Variants in PITPNC1 observed in about 807,000 individuals in gnomAD.
The protein encoded by PITPNC1 is phosphatidylinositol transfer protein cytoplasmic 1.
In PITPNC1, 18 loss-of-function variants were observed where a neutral mutation model predicts 44.7. The observed-to-expected ratio is 0.40, with a 90% CI of 0.28 to 0.60. The LOEUF (loss-of-function observed/expected upper bound fraction) is 0.60. PITPNC1 is among the 20% of genes least tolerant of loss of function. PITPNC1 has a pLI of 0.39. For synonymous variants in PITPNC1, 141 were observed against 149.6 expected (o/e 0.94, Z 0.42); for missense variants, 290 against 418.4 (o/e 0.69, Z 2.68).
At chr17:67,427,181 T>C (rs1208167268) in intron 1 of PITPNC1, among the ~76,000 whole-genome samples, 1 of 152,152 alleles carries the variant, frequency 6.6e-6, no homozygotes, top group Non-Finnish European at 1.5e-5. Context: ...CTACTTTCTT[T>C]CTTTCCCACA....
Position 67,632,101 on chromosome 17 carries a change from CCTG to C in PITPNC1, c.367-39_367-37del, listed in dbSNP as rs750734246. ...GCCTCGGGCACTTTGGAGGGTAACA[CCTG>C]CTATCACTAACCTTTGATATGTTGC... On this transcript the variant is annotated intron_variant, in intron 5 of 8. Coordinates refer to ENST00000581322, the MANE Select transcript of PITPNC1 (RefSeq NM_012417.4). 10 of 1,262,814 alleles carry C rather than the reference CCTG, an allele frequency of 7.9e-6. No homozygotes were observed. The Admixed American group carries it at 1.7e-4, about 21-fold the overall frequency. 78.2% of individuals were successfully genotyped at this position (1,262,814 alleles called of 1,614,324 possible). A position where few individuals can be genotyped will look rare whatever the true frequency, so the allele number is the denominator to read the frequency against.
At chr17:67,486,042 T>A (rs955841734) in intron 1 of PITPNC1, among the ~76,000 whole-genome samples, 6 of 152,206 alleles carry the variant, frequency 3.9e-5, no homozygotes, top group African/African-American at 2.4e-5. Flanking sequence ...AAATAAAATA[T>A]CAAAAGTCAC....
chr17:67,464,647 T>TA (rs2039396992), intron 1 of PITPNC1, among the ~76,000 whole-genome samples: 1 of 152,032 alleles, frequency 6.6e-6, no homozygotes, highest in Non-Finnish European at 1.5e-5. Flanking sequence ...GAAGCTAATT[T>TA]AAAAAGCTAA....
At chr17:67,476,618 T>C (rs759923797) in intron 1 of PITPNC1, among the ~76,000 whole-genome samples, 4 of 152,148 alleles carry the variant, frequency 2.6e-5, no homozygotes, top group Non-Finnish European at 5.9e-5. Flanking sequence ...GTGGTTGGCT[T>C]CACTCTCAGA....
chr17:67,640,159 T>A (rs2042077086), intron 6 of PITPNC1, among the ~76,000 whole-genome samples: 1 of 152,118 alleles, frequency 6.6e-6, no homozygotes, highest in Non-Finnish European at 1.5e-5. Flanking sequence ...GGTTCCAACT[T>A]ACTGGGGCCT....
At chr17:67,678,845 C>G (rs1329221366) in intron 8 of PITPNC1, among the ~76,000 whole-genome samples, 1 of 151,984 alleles carries the variant, frequency 6.6e-6, no homozygotes, top group African/African-American at 2.4e-5. Context: ...CAGTGAGACT[C>G]TCATGGAAAC....
intron 6 of PITPNC1, among the ~76,000 whole-genome samples, chr17:67,644,552 A>G (rs969986980): frequency 1.3e-5 from 2 of 149,622 alleles, no homozygotes; most frequent in African/African-American, 4.9e-5. Context: ...CTCCTGCCTC[A>G]GCCTCCTGAG....
At chr17:67,591,266 G>T (rs149270781) in intron 5 of PITPNC1, among the ~76,000 whole-genome samples, 4 of 152,128 alleles carry the variant, frequency 2.6e-5, no homozygotes, top group Non-Finnish European at 5.9e-5. Flanking sequence ...ACAAAGAAAG[G>T]CTGATGAATT....
chr17:67,610,951 A>AAAATATTATT (rs1442800576), intron 5 of PITPNC1, among the ~76,000 whole-genome samples: 1 of 152,026 alleles, frequency 6.6e-6, no homozygotes, highest in Non-Finnish European at 1.5e-5. Flanking sequence ...AGAAAAGAAA[A>AAAATATTATT]AAATATTATT....
At chr17:67,691,206 G>A (rs937355594) in intron 8 of PITPNC1, among the ~76,000 whole-genome samples, 9 of 152,040 alleles carry the variant, frequency 5.9e-5, no homozygotes, top group Non-Finnish European at 8.8e-5. Context: ...ACCCTGAGAA[G>A]GAACTAAGGA....
At chr17:67,624,230 T>TTTTTTTTTTTC (rs1567745244) in intron 5 of PITPNC1, among the ~76,000 whole-genome samples, 1 of 147,122 alleles carries the variant, frequency 6.8e-6, no homozygotes, top group Non-Finnish European at 1.5e-5. Context: ...TTTTTTTTTT[T>TTTTTTTTTTTC]CCTCAGGGTT....
chr17:67,528,727 T>G (rs1475528321), intron 1 of PITPNC1, among the ~76,000 whole-genome samples: 2 of 152,184 alleles, frequency 1.3e-5, no homozygotes, highest in Non-Finnish European at 2.9e-5. Flanking sequence ...TCTGAAAGAT[T>G]CCCACTCTTT....
chr17:67,631,582 T>C (rs1359478191), intron 5 of PITPNC1, among the ~76,000 whole-genome samples: 1 of 102,070 alleles, frequency 9.8e-6, no homozygotes, highest in African/African-American at 3.7e-5. Flanking sequence ...TGAGCCGGGA[T>C]AGCGCCACTG....
At chr17:67,645,337 ATCT>A (rs2042136123) in intron 6 of PITPNC1, among the ~76,000 whole-genome samples, 1 of 143,744 alleles carries the variant, frequency 7.0e-6, no homozygotes, top group Non-Finnish European at 1.5e-5. Context: ...GCGAAACTCC[ATCT>A]CAGAAAAAAA....
At chr17:67,559,897 A>G (rs1373360726) in intron 4 of PITPNC1, among the ~76,000 whole-genome samples, 1 of 152,150 alleles carries the variant, frequency 6.6e-6, no homozygotes, top group Non-Finnish European at 1.5e-5. Flanking sequence ...TAAACAAACA[A>G]AAAAACCCAA....
chr17:67,645,281 C>T (rs1187803078), intron 6 of PITPNC1, among the ~76,000 whole-genome samples: 4 of 145,148 alleles, frequency 2.8e-5, no homozygotes, highest in South Asian at 2.2e-4. Context: ...GCGGAGGTTG[C>T]GGTGAGCCAA....
chr17:67,492,650 C>A (rs1400359433), intron 1 of PITPNC1, among the ~76,000 whole-genome samples: 1 of 152,126 alleles, frequency 6.6e-6, no homozygotes, highest in Admixed American at 6.6e-5. Context: ...CCTGGAAACT[C>A]CCCCTCAAGC....
chr17:67,481,341 C>G (rs1000998808), intron 1 of PITPNC1, among the ~76,000 whole-genome samples: 2 of 152,210 alleles, frequency 1.3e-5, no homozygotes, highest in Non-Finnish European at 2.9e-5. Flanking sequence ...CAGCCCTTAG[C>G]AGGGACATAG....
At chr17:67,663,447 G>A (rs1221565633) in intron 6 of PITPNC1, among the ~76,000 whole-genome samples, 1 of 152,094 alleles carries the variant, frequency 6.6e-6, no homozygotes, top group Non-Finnish European at 1.5e-5. Context: ...GCAGGTGCCT[G>A]TAATCCCAGC....
Sources: allele counts gnomAD v4.1 joint callset (sites outside exome capture counted in the v4.1 genomes callset), GRCh38; gene constraint gnomAD v4.1.1; transcripts MANE v1.5; gene names NCBI Gene and HGNC (gene_info 2026-07-23, HGNC 2026-07-21).